The following LDLRAD4 variants were observed in gnomAD, a reference collection of about 807,000 sequenced individuals.
The protein encoded by LDLRAD4 is low density lipoprotein receptor class A domain containing 4.
LDLRAD4 carries 5 observed loss-of-function variants against 17.0 expected under a neutral mutation model. The ratio of observed to expected loss-of-function variants is 0.29; its 90% CI spans 0.15 to 0.62. LDLRAD4 has a LOEUF of 0.62. Among genes scored for constraint, LDLRAD4 ranks in the 20% least tolerant of loss-of-function variants. LDLRAD4 has a pLI of 0.84. For missense variants in LDLRAD4, 340 were observed against 424.7 expected (o/e 0.80, Z 1.75); for synonymous variants, 168 against 171.8 (o/e 0.98, Z 0.17).
intron 1 of LDLRAD4, among the ~76,000 whole-genome samples, chr18:13,343,411 T>C (rs1410542917): frequency 7.2e-5 from 11 of 151,954 alleles, no homozygotes; most frequent in African/African-American, 2.4e-4. Flanking sequence ...AGGACATGAA[T>C]TCATCATTTT....
At chr18:13,437,041 C>T (rs570711802) in intron 2 of LDLRAD4, among the ~76,000 whole-genome samples, 1 of 152,374 alleles carries the variant, frequency 6.6e-6, no homozygotes, top group African/African-American at 2.4e-5. Flanking sequence ...CGCTGAGAGG[C>T]AGGCTGGGCT....
chr18:13,363,463 C>T (rs1368266724), intron 1 of LDLRAD4, among the ~76,000 whole-genome samples: 2 of 151,990 alleles, frequency 1.3e-5, no homozygotes, highest in African/African-American at 2.4e-5. Context: ...ACAGATTTCT[C>T]AAGTGTGCAA....
intron 3 of LDLRAD4, among the ~76,000 whole-genome samples, chr18:13,538,344 T>TCA: frequency 6.6e-6 from 1 of 152,356 alleles, no homozygotes. Context: ...TAGCTGTATC[T>TCA]CACAAATTTT....
At position 13,580,598 on chromosome 18, in the gene LDLRAD4, G is replaced by A. The variant is rs143822043; in HGVS notation, c.182-40519G>A. Among the ~76,000 whole-genome samples the A allele has an allele frequency of 1.7e-4, 26 of 152,290 alleles. No homozygotes were observed. The East Asian group carries it at 2.3e-3, about 14-fold the overall frequency. On this transcript the variant is annotated intron_variant, in intron 3 of 5. Transcript: ENST00000359446. ...CAGGACTCTGCTGGAATGTGCAGGC[G>A]ATGGCACGGTGGCCACTGCTGACAG...
intron 3 of LDLRAD4, among the ~76,000 whole-genome samples, chr18:13,532,868 C>T (rs1397677257): frequency 1.3e-5 from 2 of 152,196 alleles, no homozygotes; most frequent in African/African-American, 2.4e-5. Flanking sequence ...CTCCAGGCTC[C>T]CAAGCTGAGG....
At chr18:13,223,808 C>T (rs1218020739) in intron 1 of LDLRAD4, among the ~76,000 whole-genome samples, 1 of 152,224 alleles carries the variant, frequency 6.6e-6, no homozygotes, top group Non-Finnish European at 1.5e-5. Flanking sequence ...CATGGGTCCT[C>T]CTGCCATCTG....
At chr18:13,598,125 ATATAT>A (rs1335447420) in intron 3 of LDLRAD4, among the ~76,000 whole-genome samples, 4 of 152,140 alleles carry the variant, frequency 2.6e-5, no homozygotes, top group African/African-American at 9.7e-5. Context: ...CATTTTGATA[ATATAT>A]TGTATTGACT....
intron 3 of LDLRAD4, among the ~76,000 whole-genome samples, chr18:13,517,707 T>G (rs1011086448): frequency 1.4e-4 from 22 of 152,066 alleles, no homozygotes; most frequent in African/African-American, 5.3e-4. Context: ...TATGACATAC[T>G]GTTCTTATAA....
chr18:13,512,458 A>G (rs1009043896), intron 3 of LDLRAD4, among the ~76,000 whole-genome samples: 2 of 152,190 alleles, frequency 1.3e-5, no homozygotes, highest in African/African-American at 4.8e-5. Context: ...TGTGCTTACA[A>G]TGTGGGTGTT....
At chr18:13,332,577 A>G (rs1421034482) in intron 1 of LDLRAD4, among the ~76,000 whole-genome samples, 1 of 151,902 alleles carries the variant, frequency 6.6e-6, no homozygotes, top group African/African-American at 2.4e-5. Context: ...CCTCCCCTCA[A>G]CCTGTGGCAA....
At chr18:13,284,001 G>A (rs189047385) in intron 1 of LDLRAD4, among the ~76,000 whole-genome samples, 474 of 152,268 alleles carry the variant, frequency 3.1e-3, no homozygotes, top group African/African-American at 0.011. Context: ...GAATGGCACA[G>A]GAAAGGCCCT....
intron 5 of LDLRAD4, among the ~76,000 whole-genome samples, chr18:13,643,928 G>A (rs1036225365): frequency 2.0e-5 from 3 of 152,090 alleles, no homozygotes; most frequent in African/African-American, 7.2e-5. Flanking sequence ...GTGTATGTAC[G>A]TATATAAAAG....
At chr18:13,227,698 A>G (rs1220407112) in intron 1 of LDLRAD4, among the ~76,000 whole-genome samples, 1 of 152,236 alleles carries the variant, frequency 6.6e-6, no homozygotes, top group Admixed American at 6.5e-5. Context: ...GGAAGCAAAC[A>G]TGTCCTACTT....
Position 13,440,276 on chromosome 18 carries a change from C to T in LDLRAD4, c.181+1892C>T, listed in dbSNP as rs1053464645. The stretch of plus-strand genomic sequence containing the variant: ...TCAACCCTCCTTCCTACCCTTCCCT[C>T]CTCCCTCGCTCCCTTTCTTGTCAGT... On this transcript the variant is annotated intron_variant, in intron 3 of 5. Coordinates refer to ENST00000359446, the Ensembl canonical transcript of LDLRAD4. This position sits in a 1 kb window ranked among gnomAD's most constrained non-coding sequence, Gnocchi z 4.4. Among the ~76,000 whole-genome samples, 1 of 152,162 alleles carries T rather than the reference C, an allele frequency of 6.6e-6. No homozygotes were observed. Among genetic ancestry groups the T allele is most frequent in the Non-Finnish European group, 1.5e-5 (1 of 68,010 alleles).
chr18:13,645,264 C>A lies in LDLRAD4; in HGVS notation c.528C>A (p.Asp176Glu). The A allele has an allele frequency of 6.2e-7, 1 of 1,614,190 alleles. No individual in the cohort carries two copies. Among genetic ancestry groups the A allele is most frequent in the South Asian group, 1.1e-5 (1 of 91,076 alleles). Residue 176 changes from aspartate to glutamate, a missense_variant, in exon 6 of 6, where the codon GAC becomes GAA. Transcript: ENST00000359446. The surrounding 1 kb of genome is among the most constrained non-coding windows in gnomAD (Gnocchi z 5.7). Reference sequence around the variant, plus strand: ...TTCCTCCCACCATCTCCCTGTCCGACGGTGAAGAGCCACCTCCTTACCAGG... The same window carrying A: ...TTCCTCCCACCATCTCCCTGTCCGAAGGTGAAGAGCCACCTCCTTACCAGG...
intron 3 of LDLRAD4, among the ~76,000 whole-genome samples, chr18:13,512,306 A>T (rs770747133): frequency 5.3e-5 from 8 of 152,064 alleles, no homozygotes; most frequent in Non-Finnish European, 1.2e-4. Flanking sequence ...TCTTCCTAAA[A>T]CCCTACATAA....
At position 13,622,015 on chromosome 18, in the gene LDLRAD4, C is replaced by T. The variant is rs140820220; in HGVS notation, c.336+744C>T. On this transcript the variant is annotated intron_variant, in intron 4 of 5. Transcript: ENST00000359446. The surrounding 1 kb of genome is among the most constrained non-coding windows in gnomAD (Gnocchi z 5.3). Reference sequence around the variant, plus strand: ...AGAGGGTTAGGAGCGGTGAGTTCAGCGAGCGTATAAATCCTTGGCTTCCGT... The same window carrying T: ...AGAGGGTTAGGAGCGGTGAGTTCAGTGAGCGTATAAATCCTTGGCTTCCGT... 4.3e-3 allele frequency among the ~76,000 whole-genome samples: 662 copies of T among 152,274 alleles called. 4 individuals carry two copies. The highest frequency in any genetic ancestry group is 0.015 in the African/African-American group (622 of 41,540).
intron 3 of LDLRAD4, among the ~76,000 whole-genome samples, chr18:13,610,837 C>G (rs2039484436): frequency 6.6e-6 from 1 of 152,154 alleles, no homozygotes; most frequent in African/African-American, 2.4e-5. Context: ...TTCATTCACC[C>G]AGCAGGGTGA....
At chr18:13,426,591 G>T (rs911312923) in intron 2 of LDLRAD4, among the ~76,000 whole-genome samples, 1 of 152,144 alleles carries the variant, frequency 6.6e-6, no homozygotes, top group African/African-American at 2.4e-5. Flanking sequence ...TGGTGTACAG[G>T]GGAGTGCACG....
Sources: allele counts gnomAD v4.1 joint callset (sites outside exome capture counted in the v4.1 genomes callset), GRCh38; gene constraint gnomAD v4.1.1; non-coding constraint Gnocchi (gnomAD v3.1); transcripts MANE v1.5; gene names NCBI Gene and HGNC (gene_info 2026-07-23, HGNC 2026-07-21).